Variants in UQCC1 observed in about 807,000 individuals in gnomAD.
The protein encoded by UQCC1 is ubiquinol-cytochrome c reductase complex assembly factor 1.
In UQCC1, 38 loss-of-function variants were observed where a neutral mutation model predicts 48.0. The ratio of observed to expected loss-of-function variants is 0.79; its 90% confidence interval spans 0.61 to 1.04. The LOEUF (loss-of-function observed/expected upper bound fraction) is 1.04. UQCC1 is among the 50% of genes least tolerant of loss of function. The pLI, the probability that UQCC1 is intolerant of heterozygous loss-of-function variation, is 0.00. For missense variants in UQCC1, 368 were observed against 381.8 expected, an observed-to-expected ratio of 0.96 and a Z score of 0.30; for synonymous variants, 111 against 129.2, an observed-to-expected ratio of 0.86 and a Z score of 0.95.
chr20:35,354,714 T>C (rs2061527026), intron 6 of UQCC1, among the ~76,000 whole-genome samples: 1 of 152,148 alleles, frequency 6.6e-6, no homozygotes, highest in Non-Finnish European at 1.5e-5. Context: ...CAAATTCTCA[T>C]TACTCCTAAA....
chr20:35,403,156 CA>C (rs1453264505), intron 1 of UQCC1, among the ~76,000 whole-genome samples: 3 of 151,722 alleles, frequency 2.0e-5, no homozygotes, highest in African/African-American at 7.3e-5. Flanking sequence ...TGATTACATA[CA>C]GGAAAGATTT....
At chr20:35,316,266 G>A (rs1600860530) in intron 7 of UQCC1, among the ~76,000 whole-genome samples, 1 of 152,096 alleles carries the variant, frequency 6.6e-6, no homozygotes, top group Admixed American at 6.5e-5. Context: ...TCTCATTTAC[G>A]AAGCACCTGT....
chr20:35,366,860 G>A (rs1486681638), intron 5 of UQCC1, among the ~76,000 whole-genome samples: 6 of 151,990 alleles, frequency 3.9e-5, no homozygotes, highest in African/African-American at 9.7e-5. Flanking sequence ...TTGGGAGGCC[G>A]AGGTGGGCAG....
chr20:35,355,884 CT>C (rs35947113), intron 6 of UQCC1, among the ~76,000 whole-genome samples: 2,557 of 140,160 alleles, frequency 0.018, 37 homozygotes, highest in African/African-American at 0.048. Context: ...CACATACTAT[CT>C]TTTTTTTTTT....
chr20:35,389,030 C>T (rs2061981966), intron 2 of UQCC1, among the ~76,000 whole-genome samples: 1 of 151,930 alleles, frequency 6.6e-6, no homozygotes, highest in African/African-American at 2.4e-5. Flanking sequence ...CGCACCACTG[C>T]ACTCCCACCT....
chr20:35,386,722 T>C (rs1401056627), intron 2 of UQCC1, among the ~76,000 whole-genome samples: 1 of 152,130 alleles, frequency 6.6e-6, no homozygotes. Context: ...TCCTCACAGC[T>C]CTAGGAGTAA....
intron 7 of UQCC1, among the ~76,000 whole-genome samples, chr20:35,337,191 C>CTTT (rs762321477): frequency 7.0e-5 from 10 of 143,284 alleles, no homozygotes; most frequent in African/African-American, 2.6e-4. Flanking sequence ...AGCTAGCATT[C>CTTT]TTTTTTTTTT....
chr20:35,403,067 C>T, intron 1 of UQCC1, among the ~76,000 whole-genome samples: 1 of 134,946 alleles, frequency 7.4e-6, no homozygotes, highest in East Asian at 2.1e-4. Flanking sequence ...GACTTCGTCT[C>T]AAAAAAAAAA....
At chr20:35,325,880 A>G (rs774554774) in intron 7 of UQCC1, among the ~76,000 whole-genome samples, 1 of 152,162 alleles carries the variant, frequency 6.6e-6, no homozygotes, top group South Asian at 2.1e-4. Flanking sequence ...CACACACAAA[A>G]AAAACAAAAA....
intron 3 of UQCC1, 134 bp downstream of exon 3, chr20:35,383,904 G>T (rs192409990): frequency 3.1e-6 from 2 of 654,082 alleles, no homozygotes; most frequent in East Asian, 3.1e-5. Context: ...TTGTGACCTT[G>T]GGCAAGTCAC....
At chr20:35,327,817 C>T (rs758461207) in intron 7 of UQCC1, among the ~76,000 whole-genome samples, 8 of 152,220 alleles carry the variant, frequency 5.3e-5, no homozygotes, top group Non-Finnish European at 1.0e-4. Context: ...GCCTGGCCAA[C>T]ATGGTGAAAC....
chr20:35,346,674 A>C, intron 7 of UQCC1: 1 of 211,078 alleles, frequency 4.7e-6, no homozygotes. Context: ...TAAATGTACT[A>C]ATGTACATTT....
At chr20:35,333,619 A>ATC (rs1373629747) in intron 7 of UQCC1, among the ~76,000 whole-genome samples, 2 of 152,130 alleles carry the variant, frequency 1.3e-5, no homozygotes, top group Non-Finnish European at 2.9e-5. Context: ...TGCTTATACC[A>ATC]TCTCTCTCTC....
At chr20:35,330,972 C>CTCA (rs1353925355) in intron 7 of UQCC1, among the ~76,000 whole-genome samples, 1 of 152,136 alleles carries the variant, frequency 6.6e-6, no homozygotes, top group Non-Finnish European at 1.5e-5. Context: ...TGGCAGCCAA[C>CTCA]TCACCTTGGG....
chr20:35,323,539 A>G (rs530493213), intron 7 of UQCC1, among the ~76,000 whole-genome samples: 2 of 152,358 alleles, frequency 1.3e-5, no homozygotes, highest in South Asian at 4.1e-4. Flanking sequence ...TTATTTTAAT[A>G]GTCAAAAGTC....
chr20:35,368,881 C>G (rs1333193271), intron 5 of UQCC1, among the ~76,000 whole-genome samples: 1 of 152,176 alleles, frequency 6.6e-6, no homozygotes, highest in East Asian at 1.9e-4. Flanking sequence ...AAGACACATG[C>G]CATCTGAGAA....
Position 35,382,498 on chromosome 20 carries a change from TTTTTTTC to T in UQCC1, c.226-480_226-474del, listed in dbSNP as rs1296101100. Among the ~76,000 whole-genome samples, 603 of 149,096 alleles carry T rather than the reference TTTTTTTC, an allele frequency of 4.0e-3. 2 individuals are homozygous for T. Among genetic ancestry groups the T allele is most frequent in the Middle Eastern group, 0.01 (3 of 292 alleles). On this transcript the variant is annotated intron_variant, in intron 3 of 9. Transcript: ENST00000374385. Reference sequence around the variant, plus strand: ...TCACCTACAATTTTTAATTTTCTTTTTTTTTTCTTTTTTCTTTTTTTTTTTTTTTTTT... The same window carrying T: ...TCACCTACAATTTTTAATTTTCTTTTTTTTTTCTTTTTTTTTTTTTTTTTT...
chr20:35,359,676 C>G (rs1231185191), intron 6 of UQCC1, among the ~76,000 whole-genome samples: 1 of 152,152 alleles, frequency 6.6e-6, no homozygotes, highest in African/African-American at 2.4e-5. Flanking sequence ...CTAGCAGGCA[C>G]TTGGGCAGGT....
Position 35,401,476 on chromosome 20 carries a change from T to C in UQCC1, c.25-7280A>G, listed in dbSNP as rs528785905. Among the ~76,000 whole-genome samples the C allele has an allele frequency of 1.0e-3, 159 of 152,188 alleles. 1 individual carries two copies. The highest frequency in any genetic ancestry group is 3.8e-3 in the African/African-American group (157 of 41,510). ...AACAAGAAGGCGGAATGTTGACCCA[T>C]CTCAGCCAGGAACACACACATTGGC... is the stretch of plus-strand genomic sequence containing the variant. On this transcript the variant is annotated intron_variant, in intron 1 of 9. Transcript: ENST00000374385.
Sources: allele counts gnomAD v4.1 joint callset (sites outside exome capture counted in the v4.1 genomes callset), GRCh38; gene constraint gnomAD v4.1.1; transcripts MANE v1.5; gene names NCBI Gene and HGNC (gene_info 2026-07-23, HGNC 2026-07-21).